Variants in SMS observed in about 807,000 individuals in gnomAD.
The protein encoded by SMS is spermidine aminopropyltransferase.
A neutral mutation model predicts 33.0 loss-of-function variants in SMS; 3 were observed. The ratio of observed to expected loss-of-function variants is 0.09; its 90% CI spans 0.04 to 0.23. The LOEUF (loss-of-function observed/expected upper bound fraction) is 0.23, where lower values mean the gene tolerates loss of function less well. Ranked by LOEUF, SMS falls within the 10% of genes least tolerant of loss-of-function variation. The pLI, the probability that SMS is intolerant of heterozygous loss-of-function variation, is 1.00. For synonymous variants in SMS, 103 were observed against 112.2 expected (o/e 0.92, Z 0.52); for missense variants, 117 against 288.6 (o/e 0.41, Z 4.31).
intron 4 of SMS, among the ~76,000 whole-genome samples, 166 bp downstream of exon 4, chrX:21,972,737 C>T (rs772998822): frequency 2.1e-4 from 23 of 109,218 alleles, no homozygotes; most frequent in Admixed American, 3.9e-4. Flanking sequence ...GGCAAAACAC[C>T]GTCTCTACTA....
In SMS at chrX:21,967,314, C is replaced by T; in HGVS notation, c.168C>T (p.Gly56=). Residue 56 remains glycine (G), a splice_region_variant and synonymous_variant, in exon 2 of 11, where the codon GGC becomes GGT. Coordinates refer to ENST00000404933, the MANE Select transcript of SMS (RefSeq NM_004595.5). ...GYLATYTNKN[G]SFANLRIYPH... ...TAGCAACCTACACAAACAAGAACGG[C>T]AGGTGAGCAGTCTCCAGTGCTGTTC... 1 of 1,209,126 alleles carries T rather than the reference C, an allele frequency of 8.3e-7. No homozygotes were observed. The highest frequency in any genetic ancestry group is 1.1e-6 in the Non-Finnish European group (1 of 894,069).
chrX:21,946,273 G>A (rs1198342946), intron 1 of SMS, among the ~76,000 whole-genome samples: 1 of 112,321 alleles, frequency 8.9e-6, no homozygotes, highest in African/African-American at 3.2e-5. Context: ...GTTCCTTTTA[G>A]GGGGTGTAGG....
At chrX:21,969,078 C>G (rs780999751) in intron 2 of SMS, among the ~76,000 whole-genome samples, 1 of 111,063 alleles carries the variant, frequency 9.0e-6, no homozygotes, top group East Asian at 2.8e-4. Context: ...GAAAAAGTAC[C>G]CACCTCCATG....
Position 21,967,336 on chromosome X carries a change from G to C in SMS, c.170+20G>C. 8.3e-7 allele frequency: 1 copy of C among 1,205,763 alleles called. No homozygotes were observed. Among genetic ancestry groups the C allele is most frequent in the Non-Finnish European group, 1.1e-6 (1 of 891,237 alleles). On this transcript the variant is annotated intron_variant, in intron 2 of 10. Transcript: ENST00000404933. The stretch of plus-strand genomic sequence containing the variant: ...CGGCAGGTGAGCAGTCTCCAGTGCT[G>C]TTCTTCATACCTGGTCACTTATGAG...
At chrX:21,942,641 G>A (rs1482753333) in intron 1 of SMS, among the ~76,000 whole-genome samples, 2 of 110,512 alleles carry the variant, frequency 1.8e-5, no homozygotes, top group Non-Finnish European at 3.8e-5. Flanking sequence ...AAGAGCCAAG[G>A]TTTCATTAAT....
At chrX:21,967,555 C>T (rs1261030875) in intron 2 of SMS, among the ~76,000 whole-genome samples, 2 of 111,615 alleles carry the variant, frequency 1.8e-5, no homozygotes, top group African/African-American at 6.5e-5. Context: ...AAACATGTTT[C>T]CCAGACAAGT....
At chrX:21,945,188 A>G (rs1922129053) in intron 1 of SMS, among the ~76,000 whole-genome samples, 1 of 111,764 alleles carries the variant, frequency 8.9e-6, no homozygotes, top group Non-Finnish European at 1.9e-5. Flanking sequence ...TACATGGTAG[A>G]TATTTGGTAC....
chrX:21,947,476 C>G (rs1042865604), intron 1 of SMS, among the ~76,000 whole-genome samples: 3 of 112,036 alleles, frequency 2.7e-5, no homozygotes, highest in African/African-American at 9.8e-5. Context: ...AAAACAACAA[C>G]AACAAAAACT....
intron 10 of SMS, 24 bp downstream of exon 10, chrX:21,992,736 G>A: frequency 1.0e-6 from 1 of 953,407 alleles, no homozygotes; most frequent in Non-Finnish European, 1.5e-6. Context: ...GTGACATTCT[G>A]TTGCCAGATC....
intron 2 of SMS, among the ~76,000 whole-genome samples, chrX:21,970,561 T>C (rs1438024592): frequency 9.2e-6 from 1 of 108,960 alleles, no homozygotes; most frequent in Non-Finnish European, 1.9e-5. Context: ...AATTAACTAG[T>C]TTTGTTTTAT....
At chrX:21,953,009 C>T (rs149152972) in intron 1 of SMS, among the ~76,000 whole-genome samples, 1,324 of 108,930 alleles carry the variant, frequency 0.012, 29 homozygotes, top group African/African-American at 0.042. Context: ...GCAGTTGACG[C>T]ACCTTGGCCT....
At chrX:21,971,567 T>C (rs1924160378) in intron 2 of SMS, among the ~76,000 whole-genome samples, 1 of 112,057 alleles carries the variant, frequency 8.9e-6, no homozygotes, top group African/African-American at 3.2e-5. Flanking sequence ...TCCCTTCCTC[T>C]TAAGGCAGTA....
chrX:21,993,288 C>A (rs1056472945), intron 10 of SMS, among the ~76,000 whole-genome samples: 4 of 112,905 alleles, frequency 3.5e-5, no homozygotes, highest in African/African-American at 1.3e-4. Context: ...CAACAGAAAT[C>A]GAGAACTAGA....
At chrX:21,944,522 C>CAAAAAAAAAAAAAAAAAAAAAAAAA (rs777680386) in intron 1 of SMS, among the ~76,000 whole-genome samples, 18 of 34,698 alleles carry the variant, frequency 5.2e-4, no homozygotes, top group African/African-American at 1.1e-3. Context: ...CCTGTCTCTA[C>CAAAAAAAAAAAAAAAAAAAAAAAAA]AAAAAAAAAA....
chrX:21,990,392 C>T (rs185213405), intron 9 of SMS, among the ~76,000 whole-genome samples: 9 of 112,740 alleles, frequency 8.0e-5, no homozygotes, highest in Non-Finnish European at 1.5e-4. Flanking sequence ...CCTTTTTCTT[C>T]GATAGTGCCA....
chrX:21,961,907 T>C (rs1473595114), intron 1 of SMS, among the ~76,000 whole-genome samples: 1 of 112,564 alleles, frequency 8.9e-6, no homozygotes, highest in Admixed American at 9.4e-5. Context: ...TTGGCCTAAT[T>C]TGGATGACTA....
intron 1 of SMS, among the ~76,000 whole-genome samples, chrX:21,944,811 C>G (rs1922096404): frequency 3.6e-5 from 4 of 110,826 alleles, no homozygotes; most frequent in Admixed American, 2.9e-4. Flanking sequence ...AACCCTATCT[C>G]TACTAAAAAT....
intron 9 of SMS, among the ~76,000 whole-genome samples, chrX:21,990,432 T>C (rs556818940): frequency 8.8e-6 from 1 of 113,004 alleles, no homozygotes; most frequent in East Asian, 2.8e-4. Flanking sequence ...TTCCATCCCT[T>C]CTTCTTATCC....
At chrX:21,982,867 G>A (rs1925060101) in intron 7 of SMS, among the ~76,000 whole-genome samples, 1 of 112,124 alleles carries the variant, frequency 8.9e-6, no homozygotes, top group African/African-American at 3.2e-5. Flanking sequence ...CAACGGTGGT[G>A]TTAGTACCTC....
Sources: allele counts gnomAD v4.1 joint callset (sites outside exome capture counted in the v4.1 genomes callset), GRCh38; gene constraint gnomAD v4.1.1; transcripts MANE v1.5; gene names NCBI Gene and HGNC (gene_info 2026-07-23, HGNC 2026-07-21).